Variants in BLTP1 observed in about 807,000 individuals in gnomAD.
BLTP1 encodes fragile site-associated protein.
chr4:122,245,819 C>A, the BLTP1 span, among the ~76,000 whole-genome samples: 1 of 151,998 alleles, frequency 6.6e-6, no homozygotes, highest in African/African-American at 2.4e-5. Flanking sequence ...ATATTCCTAG[C>A]CAAAAAGGGG....
At chr4:122,169,762 A>C in the BLTP1 span, 12 of 984,746 alleles carry the variant, frequency 1.2e-5, no homozygotes, top group Non-Finnish European at 1.3e-5. Flanking sequence ...TCACAGTTCT[A>C]CAGTGAATTT....
At chr4:122,344,463 T>C in the BLTP1 span, 1 of 1,614,054 alleles carries the variant, frequency 6.2e-7, no homozygotes, top group African/African-American at 1.3e-5. Flanking sequence ...AAAGTGAGTT[T>C]GTCACGGATC....
the BLTP1 span, chr4:122,230,192 C>A: frequency 1.9e-6 from 3 of 1,613,720 alleles, no homozygotes; most frequent in Middle Eastern, 1.7e-4. Context: ...CTTAGAAACT[C>A]ATGATGCCAG....
At chr4:122,272,441 CATA>C in the BLTP1 span, 5 of 1,508,054 alleles carry the variant, frequency 3.3e-6, no homozygotes, top group Non-Finnish European at 4.6e-6. Context: ...GCTATGTATA[CATA>C]ATAATTAGTG....
chr4:122,328,430 ACT>A, the BLTP1 span: 3 of 1,350,660 alleles, frequency 2.2e-6, no homozygotes, highest in Admixed American at 4.2e-5. Flanking sequence ...GTTATATATA[ACT>A]CAGCTTTTAC....
At chr4:122,271,245 T>C in the BLTP1 span, 1 of 1,613,996 alleles carries the variant, frequency 6.2e-7, no homozygotes, top group South Asian at 1.1e-5. Flanking sequence ...TTGGTTCGTC[T>C]TATTCATCAG....
the BLTP1 span, chr4:122,235,609 T>C: frequency 1.9e-5 from 5 of 269,140 alleles, no homozygotes; most frequent in Non-Finnish European, 2.9e-5. Context: ...ATCAAGACCA[T>C]CCTGGCTAAC....
At chr4:122,289,395 T>G in the BLTP1 span, 2 of 671,508 alleles carry the variant, frequency 3.0e-6, no homozygotes, top group Non-Finnish European at 3.7e-6. Flanking sequence ...ATATACACAT[T>G]TAAGATTCAT....
At chr4:122,289,035 A>C in the BLTP1 span, 3 of 1,554,762 alleles carry the variant, frequency 1.9e-6, no homozygotes, top group Non-Finnish European at 2.6e-6. Flanking sequence ...TGTAAGAAAA[A>C]AGTGTAAAGC....
At chr4:122,355,756 T>C in the BLTP1 span, 3 of 1,548,022 alleles carry the variant, frequency 1.9e-6, no homozygotes, top group African/African-American at 4.1e-5. Context: ...TCAATGCCTA[T>C]TGTTTTAATT....
chr4:122,351,245 GA>G, the BLTP1 span: 5 of 911,112 alleles, frequency 5.5e-6, no homozygotes, highest in Non-Finnish European at 5.2e-6. Flanking sequence ...CGTATACATT[GA>G]AAAAAACTAG....
chr4:122,295,634 C>T, the BLTP1 span, among the ~76,000 whole-genome samples: 4 of 151,934 alleles, frequency 2.6e-5, no homozygotes, highest in Non-Finnish European at 4.4e-5. Flanking sequence ...GACATAGATA[C>T]GACAAAAAAA....
chr4:122,209,818 G>T, the BLTP1 span: 1 of 1,613,140 alleles, frequency 6.2e-7, no homozygotes, highest in South Asian at 1.1e-5. Context: ...CTCTTCAAAG[G>T]TCTGGTTGGG....
At chr4:122,172,878 G>A in the BLTP1 span, 5 of 972,542 alleles carry the variant, frequency 5.1e-6, no homozygotes, top group Non-Finnish European at 6.1e-6. Flanking sequence ...GATCTGATCG[G>A]AATTTATGCT....
At chr4:122,347,415 A>T in the BLTP1 span, 1 of 1,397,224 alleles carries the variant, frequency 7.2e-7, no homozygotes, top group Non-Finnish European at 9.6e-7. Flanking sequence ...AACTAGAAGG[A>T]ATATGTAATG....
the BLTP1 span, chr4:122,187,524 C>G: frequency 6.2e-7 from 1 of 1,606,730 alleles, no homozygotes; most frequent in South Asian, 1.1e-5. Context: ...TAAGTAAATT[C>G]TGCTACAATT....
At chr4:122,281,579 G>GA in the BLTP1 span, 2 of 1,611,066 alleles carry the variant, frequency 1.2e-6, no homozygotes, top group Non-Finnish European at 1.7e-6. Context: ...ACTACCTTCT[G>GA]AAAAAACCCC....
At chr4:122,187,152 C>T in the BLTP1 span, 7 of 984,080 alleles carry the variant, frequency 7.1e-6, no homozygotes, top group Non-Finnish European at 8.4e-6. Flanking sequence ...AGCATATCAT[C>T]CCTTATAGTT....
At chr4:122,183,077 G>T in the BLTP1 span, 1 of 943,426 alleles carries the variant, frequency 1.1e-6, no homozygotes, top group Non-Finnish European at 1.3e-6. Flanking sequence ...AGCTCACACT[G>T]GTAATCCCAG....
Sources: allele counts gnomAD v4.1 joint callset (sites outside exome capture counted in the v4.1 genomes callset), GRCh38; gene constraint gnomAD v4.1.1; transcripts MANE v1.5; gene names NCBI Gene and HGNC (gene_info 2026-07-23, HGNC 2026-07-21).